Variants in DRG1 observed in about 807,000 individuals in gnomAD.
DRG1 encodes developmentally regulated GTP binding protein 1, also known as developmentally-regulated GTP-binding protein 1.
In DRG1, 19 loss-of-function variants were observed where a neutral mutation model predicts 38.8. The observed-to-expected ratio is 0.49, with a 90% CI of 0.34 to 0.72. DRG1 has a LOEUF of 0.72. Among genes scored for constraint, DRG1 ranks in the 30% least tolerant of loss-of-function variants. DRG1 has a pLI of 0.01. For missense variants in DRG1, 299 were observed against 444.8 expected (o/e 0.67, Z 2.95); for synonymous variants, 167 against 157.5 (o/e 1.06, Z -0.45).
chr22:31,412,774 C>T (rs1445726935), intron 4 of DRG1, among the ~76,000 whole-genome samples: 2 of 151,582 alleles, frequency 1.3e-5, no homozygotes, highest in African/African-American at 2.4e-5. Context: ...ACTGGAGCCT[C>T]GACTCCCTGG....
At chr22:31,417,231 G>A (rs772209643) in intron 4 of DRG1, among the ~76,000 whole-genome samples, 1 of 151,532 alleles carries the variant, frequency 6.6e-6, no homozygotes, top group African/African-American at 2.4e-5. Context: ...TTAGCTGGGT[G>A]TGGTGGTGCG....
chr22:31,420,559 T>G, intron 5 of DRG1, 134 bp downstream of exon 5: 1 of 1,111,102 alleles, frequency 9.0e-7, no homozygotes, highest in South Asian at 1.7e-5. Context: ...AATGACTTTA[T>G]AATGACTGAC....
Position 31,420,418 on chromosome 22 carries a change from C to T in DRG1, c.575C>T (p.Thr192Ile), listed in dbSNP as rs191733493. 4.3e-6 allele frequency: 7 copies of T among 1,614,184 alleles called. No homozygotes were observed. The highest frequency in any genetic ancestry group is 2.2e-5 in the East Asian group (1 of 44,880). ...AAGGACAAGGGAGGCATTAATCTCA[C>T]AGCCACTGTAAGTGGGGAATATGAC... ...KKKDKGGINL[T>I]ATCPQSELDA... Residue 192 changes from threonine to isoleucine, a missense_variant, in exon 5 of 9, where the codon ACA (threonine) becomes ATA (isoleucine). Thr to Ile is a moderately conservative substitution (Grantham distance 89, BLOSUM62 -1). Transcript: ENST00000331457.
In DRG1 at chr22:31,420,236, G is replaced by C; in HGVS notation, c.413-20G>C. On this transcript the variant is annotated intron_variant, in intron 4 of 8. Transcript: ENST00000331457. ...GGCTTTATTGAACTTTCTTGCGTAT[G>C]TTTTTTTCTTACTCTTCAGTGGCCC... 4 of 1,608,436 alleles carry C rather than the reference G, an allele frequency of 2.5e-6. No individual in the cohort carries two copies. The highest frequency in any genetic ancestry group is 3.4e-6 in the Non-Finnish European group (4 of 1,176,752).
chr22:31,432,207 G>A, intron 8 of DRG1, among the ~76,000 whole-genome samples: 1 of 151,782 alleles, frequency 6.6e-6, no homozygotes, highest in East Asian at 1.9e-4. Flanking sequence ...CTTTTAAATA[G>A]CTGGGACTAC....
chr22:31,412,255 A>G (rs1173095365), intron 4 of DRG1, among the ~76,000 whole-genome samples: 1 of 151,346 alleles, frequency 6.6e-6, no homozygotes, highest in East Asian at 2.0e-4. Flanking sequence ...GATCGTGCCA[A>G]CAGAGTGAGC....
At chr22:31,417,429 C>T (rs918309878) in intron 4 of DRG1, among the ~76,000 whole-genome samples, 1 of 151,812 alleles carries the variant, frequency 6.6e-6, no homozygotes, top group Non-Finnish European at 1.5e-5. Context: ...CCTGTAATTG[C>T]AGCACTCTGG....
At chr22:31,412,280 A>G (rs1284071526) in intron 4 of DRG1, among the ~76,000 whole-genome samples, 1 of 151,666 alleles carries the variant, frequency 6.6e-6, no homozygotes, top group East Asian at 1.9e-4. Context: ...GTGTTAGAAA[A>G]AAAAAAGCTA....
chr22:31,406,868 CT>C (rs1407425854), intron 3 of DRG1, among the ~76,000 whole-genome samples: 1 of 152,072 alleles, frequency 6.6e-6, no homozygotes, highest in Non-Finnish European at 1.5e-5. Flanking sequence ...TCCTTTTTCT[CT>C]TCTAAAATTT....
intron 6 of DRG1, 96 bp from the exon 7 acceptor site, chr22:31,426,519 C>T (rs747386666): frequency 5.5e-5 from 58 of 1,053,388 alleles, no homozygotes; most frequent in African/African-American, 8.0e-5. Context: ...CTCTTGGGAG[C>T]GCCAGTTGGG....
At position 31,426,624 on chromosome 22, in the gene DRG1, C is replaced by T; in HGVS notation, c.723C>T (p.Ile241=). ...IDVVEGNRVY[I]PCIYVLNKID... ...TCTTCACTTTCTGTAGAGTTTATAT[C>T]CCCTGTATCTATGTGTTAAATAAGA... The change falls in exon 7 of 9, where the codon ATC becomes ATT. Residue 241 remains isoleucine, a synonymous_variant. Transcript: ENST00000331457. The T allele has an allele frequency of 6.2e-7, 1 of 1,611,944 alleles. No homozygotes were observed. The highest frequency in any genetic ancestry group is 1.1e-5 in the South Asian group (1 of 90,600).
intron 6 of DRG1, among the ~76,000 whole-genome samples, chr22:31,426,102 C>G (rs183462847): frequency 6.6e-6 from 1 of 152,064 alleles, no homozygotes; most frequent in Non-Finnish European, 1.5e-5. Flanking sequence ...TTTAAAACAG[C>G]CTTGTAGGAA....
chr22:31,399,803 T>C, intron 1 of DRG1, 78 bp downstream of exon 1: 1 of 1,607,500 alleles, frequency 6.2e-7, no homozygotes, highest in Non-Finnish European at 8.5e-7. Context: ...TGTTCTCCTT[T>C]GAGCCGCGTC....
intron 3 of DRG1, among the ~76,000 whole-genome samples, chr22:31,406,422 G>A (rs1257622954): frequency 3.3e-5 from 5 of 151,964 alleles, no homozygotes; most frequent in African/African-American, 1.2e-4. Flanking sequence ...GCATAATTTT[G>A]CATTCATGTT....
At chr22:31,428,007 C>G (rs1054517290) in intron 8 of DRG1, among the ~76,000 whole-genome samples, 2 of 152,094 alleles carry the variant, frequency 1.3e-5, no homozygotes, top group Non-Finnish European at 2.9e-5. Context: ...GCATGAGCCA[C>G]CGTGCCTGGC....
At chr22:31,416,088 C>T (rs2050043113) in intron 4 of DRG1, among the ~76,000 whole-genome samples, 1 of 152,056 alleles carries the variant, frequency 6.6e-6, no homozygotes, top group African/African-American at 2.4e-5. Flanking sequence ...GCAGGCAGAT[C>T]ACTTGAGGCC....
At chr22:31,400,532 A>G (rs2049955149) in intron 1 of DRG1, 88 bp from the exon 2 acceptor site, 1 of 1,546,316 alleles carries the variant, frequency 6.5e-7, no homozygotes, top group South Asian at 1.1e-5. Flanking sequence ...TGCTAACATT[A>G]GTAGGACTTG....
intron 1 of DRG1, 79 bp from the exon 2 acceptor site, chr22:31,400,541 T>TG (rs1271918589): frequency 5.1e-6 from 8 of 1,572,156 alleles, no homozygotes; most frequent in East Asian, 4.7e-5. Flanking sequence ...TAGTAGGACT[T>TG]GGGGAAAAAA....
intron 3 of DRG1, among the ~76,000 whole-genome samples, chr22:31,410,570 T>G (rs1029283517): frequency 7.2e-5 from 11 of 151,968 alleles, no homozygotes; most frequent in African/African-American, 2.7e-4. Flanking sequence ...TTCCAGCACT[T>G]TGGGAGGCTG....
Sources: gnomAD v4.1 joint callset for allele counts (sites outside exome capture counted in the v4.1 genomes callset) on GRCh38, gnomAD v4.1.1 for gene constraint, MANE v1.5 for transcripts, NCBI Gene and HGNC (gene_info 2026-07-23, HGNC 2026-07-21) for gene names.